BNIPL: variants seen among roughly 807,000 people sequenced by gnomAD.
BNIPL encodes BCL2 interacting protein like, also known as bcl-2/adenovirus E1B 19 kDa-interacting protein 2-like protein.
Under a neutral mutation model 47.0 loss-of-function variants are expected in BNIPL, and 33 were observed. That is an observed-to-expected ratio of 0.70 (90% CI 0.53 to 0.94). The LOEUF is 0.94. BNIPL is among the 40% of genes least tolerant of loss of function. BNIPL has a pLI of 0.00. For missense variants in BNIPL, 404 were observed against 445.2 expected, an observed-to-expected ratio of 0.91 and a Z score of 0.83; for synonymous variants, 145 against 162.7, an observed-to-expected ratio of 0.89 and a Z score of 0.83.
intron 1 of BNIPL, 106 bp downstream of exon 1, chr1:151,036,872 A>T: frequency 8.7e-7 from 1 of 1,145,850 alleles, no homozygotes; most frequent in East Asian, 2.4e-5. Context: ...TTCCTCAAGG[A>T]GACAAGACTG....
chr1:151,038,433 C>G lies in BNIPL; in HGVS notation c.138-71C>G, dbSNP rs957859010. 1.8e-5 allele frequency: 20 copies of G among 1,121,440 alleles called. No individual in the cohort carries two copies. In the Admixed American group the frequency reaches 2.4e-4, roughly 14 times the overall value. 69.5% of individuals were successfully genotyped at this position (1,121,440 alleles called of 1,614,324 possible). A position where few individuals can be genotyped will look rare whatever the true frequency, so the allele number is the denominator to read the frequency against. ...ATAAAATCATGGTGGGGAGAGAGAA[C>G]CTATATATTGAGTCCTGGCTTGATG... On this transcript the variant is annotated intron_variant, in intron 2 of 9. Transcript: ENST00000368931.
intron 6 of BNIPL, 75 bp from the exon 7 acceptor site, chr1:151,043,521 G>C: frequency 6.4e-7 from 1 of 1,556,196 alleles, no homozygotes; most frequent in African/African-American, 1.4e-5. Context: ...TAGCTGATGG[G>C]AGAGTCTACA....
chr1:151,040,207 GTCTTGC>G (rs1675768073), intron 4 of BNIPL, among the ~76,000 whole-genome samples: 1 of 152,164 alleles, frequency 6.6e-6, no homozygotes, highest in Non-Finnish European at 1.5e-5. Flanking sequence ...TTTTGAGACA[GTCTTGC>G]TCTGTTGCCC....
At position 151,036,640 on chromosome 1, in the gene BNIPL, G is replaced by T. The variant is rs374943132; in HGVS notation, c.-86G>T. The T allele has an allele frequency of 3.6e-5, 44 of 1,224,920 alleles. 1 individual carries two copies. The highest frequency in any genetic ancestry group is 2.5e-4 in the African/African-American group (17 of 66,952). The allele number at this position is 1,224,920 out of a possible 1,614,324, so 75.9% of individuals were successfully genotyped here. ...GAGCTACAACAGCTGAGACAGAAAA[G>T]AGGTAAGGAAGTGTTGGGGGCTGGG... On this transcript the variant is annotated 5_prime_UTR_variant, in exon 1 of 10. Transcript: ENST00000368931.
chr1:151,042,980 T>A lies in BNIPL; in HGVS notation c.458T>A (p.Leu153Gln). 6.3e-7 allele frequency: 1 copy of A among 1,597,682 alleles called. No homozygotes were observed. The change falls in exon 5 of 10, where the codon CTG becomes CAG. Residue 153 changes from leucine (L) to glutamine (Q), a missense_variant. Coordinates refer to ENST00000368931, the MANE Select transcript of BNIPL (RefSeq NM_138278.4). Reference protein sequence around the residue: ...WEDELPRAEGLGTSETAERLG... With the variant: ...WEDELPRAEGQGTSETAERLG... Reference sequence around the variant, plus strand: ...GATGAACTACCCCGGGCAGAGGGTCTGGGCACCAGTGAGACAGCTGAAAGG... The same window carrying A: ...GATGAACTACCCCGGGCAGAGGGTCAGGGCACCAGTGAGACAGCTGAAAGG...
Position 151,043,291 on chromosome 1 carries a change from A to G in BNIPL, c.617-41A>G, listed in dbSNP as rs114632678. The G allele has an allele frequency of 1.6e-3, 2,500 of 1,529,464 alleles. 36 individuals carry two copies. In the African/African-American group the frequency reaches 0.031, roughly 19 times the overall value. The allele number at this position is 1,529,464 out of a possible 1,614,324, so 94.7% of individuals were successfully genotyped here. A position where few individuals can be genotyped will look rare whatever the true frequency, so the allele number is the denominator to read the frequency against. Reference sequence around the variant, plus strand: ...AAACAGATATACTATCTGTCAATACATATTTGTTGACCAAATGAATTTTCC... The same window carrying G: ...AAACAGATATACTATCTGTCAATACGTATTTGTTGACCAAATGAATTTTCC... On this transcript the variant is annotated intron_variant, in intron 5 of 9. Coordinates refer to ENST00000368931, the MANE Select transcript of BNIPL (RefSeq NM_138278.4).
intron 4 of BNIPL, among the ~76,000 whole-genome samples, chr1:151,040,629 C>G (rs1675783138): frequency 6.6e-6 from 1 of 151,662 alleles, no homozygotes; most frequent in African/African-American, 2.4e-5. Flanking sequence ...AAGCCCATCT[C>G]TACTAAAAAT....
At chr1:151,044,813 C>T in intron 7 of BNIPL, 2 of 1,285,796 alleles carry the variant, frequency 1.6e-6, no homozygotes, top group Admixed American at 2.4e-5. Flanking sequence ...CCCCCATCTC[C>T]ATTTGCTCAC....
At position 151,038,824 on chromosome 1, in the gene BNIPL, G is replaced by C; in HGVS notation, c.231G>C (p.Leu77=). 6.2e-7 allele frequency: 1 copy of C among 1,606,798 alleles called. No homozygotes were observed. The highest frequency in any genetic ancestry group is 1.7e-5 in the Admixed American group (1 of 58,998). ...AAAGTPSTLA[L]CGQRPMRKRL... is the part of the protein sequence containing the mutation. ...CAGGTACCCCCAGCACTTTAGCCCTGTGTGGCCAGCGCCCCATGCGCAAGC... is the reference window on the plus strand; with the variant it reads ...CAGGTACCCCCAGCACTTTAGCCCTCTGTGGCCAGCGCCCCATGCGCAAGC... The change falls in exon 4 of 10, where the codon CTG becomes CTC. Residue 77 remains leucine, a synonymous_variant. Coordinates refer to ENST00000368931, the MANE Select transcript of BNIPL (RefSeq NM_138278.4).
chr1:151,038,000 C>CAAAAAAAAAAAAAAAAAAAAAAA (rs58423611), intron 2 of BNIPL, among the ~76,000 whole-genome samples: 1 of 63,970 alleles, frequency 1.6e-5, no homozygotes, highest in African/African-American at 9.4e-5. Context: ...AACTCTGTCT[C>CAAAAAAAAAAAAAAAAAAAAAAA]AAAAAAAAAA....
In BNIPL at chr1:151,047,709, C is replaced by T; in HGVS notation, c.*1022C>T. 5.1e-6 allele frequency: 7 copies of T among 1,378,392 alleles called. No individual in the cohort carries two copies. The highest frequency in any genetic ancestry group is 6.6e-6 in the Non-Finnish European group (7 of 1,060,996). The allele number at this position is 1,378,392 out of a possible 1,614,324, so 85.4% of individuals were successfully genotyped here. A position where few individuals can be genotyped will look rare whatever the true frequency, so the allele number is the denominator to read the frequency against. On this transcript the variant is annotated 3_prime_UTR_variant, in exon 10 of 10. Coordinates refer to ENST00000368931, the MANE Select transcript of BNIPL (RefSeq NM_138278.4). ...CCCCGCGCGGCCCGCGCGAGCGCGCCTGCGCGTCGAACCCCACCCCCTTCC... is the reference window on the plus strand; with the variant it reads ...CCCCGCGCGGCCCGCGCGAGCGCGCTTGCGCGTCGAACCCCACCCCCTTCC...
chr1:151,038,443 G>A, intron 2 of BNIPL, 61 bp from the exon 3 acceptor site: 1 of 1,231,548 alleles, frequency 8.1e-7, no homozygotes, highest in Non-Finnish European at 1.2e-6. Flanking sequence ...CCTATATATT[G>A]AGTCCTGGCT....
At chr1:151,044,690 G>A (rs763886177) in intron 7 of BNIPL, among the ~76,000 whole-genome samples, 1 of 151,828 alleles carries the variant, frequency 6.6e-6, no homozygotes, top group Non-Finnish European at 1.5e-5. Context: ...CCTGAGCTCA[G>A]GTGATCTGCC....
intron 1 of BNIPL, among the ~76,000 whole-genome samples, chr1:151,037,113 G>C (rs369054039): frequency 1.3e-5 from 2 of 152,108 alleles, no homozygotes; most frequent in African/African-American, 4.8e-5. Context: ...CCAGGTTCTC[G>C]TTCTGGCAAA....
chr1:151,038,731 T>C, intron 3 of BNIPL, 65 bp from the exon 4 acceptor site: 1 of 1,551,732 alleles, frequency 6.4e-7, no homozygotes, highest in South Asian at 1.2e-5. Context: ...CATACAGGAA[T>C]TCTAGCCCTC....
At chr1:151,038,084 GA>G in intron 2 of BNIPL, among the ~76,000 whole-genome samples, 1 of 140,108 alleles carries the variant, frequency 7.1e-6, no homozygotes, top group East Asian at 2.1e-4. Context: ...ATGGGAAAAA[GA>G]AAACAGAGGC....
intron 2 of BNIPL, among the ~76,000 whole-genome samples, chr1:151,038,023 A>G (rs1490228798): frequency 6.8e-6 from 1 of 147,090 alleles, no homozygotes; most frequent in Non-Finnish European, 1.5e-5. Context: ...AAAAAAAAAA[A>G]AAAAAAGCAA....
At position 151,047,576 on chromosome 1, in the gene BNIPL, G is replaced by A. The variant is rs1676076481; in HGVS notation, c.*889G>A. The A allele has an allele frequency of 2.0e-6, 1 of 493,188 alleles. No homozygotes were observed. Among genetic ancestry groups the A allele is most frequent in the South Asian group, 3.7e-5 (1 of 27,302 alleles). The allele number at this position is 493,188 out of a possible 1,614,324, so 30.6% of individuals were successfully genotyped here. On this transcript the variant is annotated 3_prime_UTR_variant, in exon 10 of 10. Transcript: ENST00000368931. Reference sequence around the variant, plus strand: ...ACTGTAGAGGCTAATAAACTGCGATGAGACATTTAAGCTCTGCTCCAAAGA... The same window carrying A: ...ACTGTAGAGGCTAATAAACTGCGATAAGACATTTAAGCTCTGCTCCAAAGA...
intron 7 of BNIPL, 88 bp from the exon 8 acceptor site, chr1:151,045,709 A>C: frequency 6.3e-7 from 1 of 1,595,222 alleles, no homozygotes; most frequent in Admixed American, 1.7e-5. Flanking sequence ...AAGTGAATGA[A>C]GGAAGTTACA....
Sources: allele counts gnomAD v4.1 joint callset (sites outside exome capture counted in the v4.1 genomes callset), GRCh38; gene constraint gnomAD v4.1.1; transcripts MANE v1.5; gene names NCBI Gene and HGNC (gene_info 2026-07-23, HGNC 2026-07-21).